Variants in GZMK observed in about 807,000 individuals in gnomAD.
GZMK encodes the protein granzyme K.
A neutral mutation model predicts 22.8 loss-of-function variants in GZMK; 18 were observed. That is an observed-to-expected ratio of 0.79 (90% CI 0.54 to 1.17). The LOEUF is 1.17. Ranked by LOEUF, GZMK falls within the 50% of genes most tolerant of loss-of-function variation. The pLI is 0.00. For synonymous variants in GZMK, 136 were observed against 115.0 expected, an observed-to-expected ratio of 1.18 and a Z score of -1.17; for missense variants, 342 against 320.2, an observed-to-expected ratio of 1.07 and a Z score of -0.52.
intron 4 of GZMK, among the ~76,000 whole-genome samples, chr5:55,032,107 A>C (rs1414501507): frequency 6.6e-6 from 1 of 152,200 alleles, no homozygotes; most frequent in African/African-American, 2.4e-5. Flanking sequence ...CTGCTACCAC[A>C]AAATACCATA....
intron 4 of GZMK, 146 bp from the exon 5 acceptor site, chr5:55,033,619 T>C: frequency 5.1e-6 from 3 of 592,968 alleles, no homozygotes; most frequent in Non-Finnish European, 8.8e-6. Flanking sequence ...CTATAACGAG[T>C]AAGAGGCAGT....
At chr5:55,024,964 C>T (rs1032986988) in intron 2 of GZMK, 157 bp downstream of exon 2, 3 of 500,930 alleles carry the variant, frequency 6.0e-6, no homozygotes, top group Admixed American at 3.6e-5. Flanking sequence ...CACATCCACG[C>T]TTTCTGTCTT....
intron 2 of GZMK, among the ~76,000 whole-genome samples, chr5:55,029,818 G>T (rs904849936): frequency 6.6e-6 from 1 of 152,052 alleles, no homozygotes; most frequent in Admixed American, 6.5e-5. Context: ...AGTCTCCCAA[G>T]TGGCTGGGAT....
At chr5:55,024,473 A>G (rs935040503) in intron 1 of GZMK, 87 bp downstream of exon 1, 6 of 805,494 alleles carry the variant, frequency 7.4e-6, no homozygotes, top group Non-Finnish European at 1.2e-5. Flanking sequence ...TATTTTCACA[A>G]TCATTCCTAT....
Position 55,031,499 on chromosome 5 carries a change from AC to A in GZMK, c.502del (p.Leu168CysfsTer9), listed in dbSNP as rs1741232562. 1 of 1,614,084 alleles carries A rather than the reference AC, an allele frequency of 6.2e-7. No individual in the cohort carries two copies. Among genetic ancestry groups the A allele is most frequent in the Non-Finnish European group, 8.5e-7 (1 of 1,180,030 alleles). ...TDPDSLRPSD[T>X]LREVTVTVLS... ...TCCAGATTCATTAAGACCTTCTGAC[AC>A]CCTGCGAGAAGTCACTGTTACTGTC... On this transcript the variant is annotated frameshift_variant, in exon 4 of 5. Coordinates refer to ENST00000231009, the MANE Select transcript of GZMK (RefSeq NM_002104.3). LOFTEE classifies it high-confidence loss of function.
chr5:55,031,009 G>T (rs1741220555), intron 3 of GZMK, among the ~76,000 whole-genome samples: 1 of 152,196 alleles, frequency 6.6e-6, no homozygotes, highest in Non-Finnish European at 1.5e-5. Flanking sequence ...TCCGAACTTG[G>T]TCTAGACCAT....
At position 55,034,034 on chromosome 5, in the gene GZMK, T is replaced by A. The variant is rs1019992391; in HGVS notation, c.*108T>A. The A allele has an allele frequency of 7.5e-6, 5 of 662,770 alleles. No individual in the cohort carries two copies. The African/African-American group carries it at 9.2e-5, about 12-fold the overall frequency. 41.1% of individuals were successfully genotyped at this position (662,770 alleles called of 1,614,324 possible). A position where few individuals can be genotyped will look rare whatever the true frequency, so the allele number is the denominator to read the frequency against. On this transcript the variant is annotated 3_prime_UTR_variant, in exon 5 of 5. Transcript: ENST00000231009. ...GCACATATGGGGTCCATTTTTGCAC[T>A]TGTAAGTCATTTTATTAAGGAATCA...
intron 2 of GZMK, chr5:55,025,638 G>T (rs1010244614): frequency 1.3e-5 from 2 of 151,872 alleles, no homozygotes; most frequent in East Asian, 1.9e-4. Flanking sequence ...TTTTGGTTTT[G>T]TTTTTTGTTT....
chr5:55,028,501 A>G (rs779721167), intron 2 of GZMK: 1 of 152,250 alleles, frequency 6.6e-6, no homozygotes, highest in Non-Finnish European at 1.5e-5. Flanking sequence ...TGGTCATTCC[A>G]GGCAGTCACA....
chr5:55,030,424 CT>C lies in GZMK; in HGVS notation c.213-3del. 1 of 1,611,480 alleles carries C rather than the reference CT, an allele frequency of 6.2e-7. No homozygotes were observed. Among genetic ancestry groups the C allele is most frequent in the Non-Finnish European group, 8.5e-7 (1 of 1,179,084 alleles). Reference sequence around the variant, plus strand: ...CATTCTGCTGCTTTCATTGTCTTTGCTTTTTTTAGGTTTACCAAAGGCCAGT... The same window carrying C: ...CATTCTGCTGCTTTCATTGTCTTTGCTTTTTTAGGTTTACCAAAGGCCAGT... On this transcript the variant is annotated splice_polypyrimidine_tract_variant and intron_variant, in intron 2 of 4. Coordinates refer to ENST00000231009, the MANE Select transcript of GZMK (RefSeq NM_002104.3).
At chr5:55,028,741 G>A (rs547938402) in intron 2 of GZMK, among the ~76,000 whole-genome samples, 16 of 152,292 alleles carry the variant, frequency 1.1e-4, no homozygotes, top group Non-Finnish European at 2.1e-4. Flanking sequence ...AAAGATCTGA[G>A]GTGGACTTCA....
chr5:55,026,055 G>A (rs937052950), intron 2 of GZMK, among the ~76,000 whole-genome samples: 3 of 152,178 alleles, frequency 2.0e-5, no homozygotes, highest in African/African-American at 2.4e-5. Flanking sequence ...AACTGTCAGC[G>A]AATGTTCATT....
At chr5:55,030,681 C>A in intron 3 of GZMK, 97 bp downstream of exon 3, 3 of 866,514 alleles carry the variant, frequency 3.5e-6, no homozygotes, top group Non-Finnish European at 5.7e-6. Flanking sequence ...TTGCTAGCAC[C>A]CTCCCCATGT....
At chr5:55,028,251 C>T (rs1324621582) in intron 2 of GZMK, 2 of 152,176 alleles carry the variant, frequency 1.3e-5, no homozygotes, top group African/African-American at 2.4e-5. Flanking sequence ...CATTTAGGCA[C>T]GTGCCCACCT....
At chr5:55,026,788 A>T (rs575631688) in intron 2 of GZMK, 2 of 152,084 alleles carry the variant, frequency 1.3e-5, no homozygotes, top group South Asian at 2.1e-4. Context: ...GGAAATTGAT[A>T]AAAAATGTCC....
Position 55,024,651 on chromosome 5 carries a change from C to A in GZMK, c.65-9C>A. On this transcript the variant is annotated splice_polypyrimidine_tract_variant and intron_variant, in intron 1 of 4. Transcript: ENST00000231009. ...CTTTTGTGTGAAACCTTTTGGTCTA[C>A]TTTTGTAGGTTTCAATATGGAAATT... 1 of 1,592,922 alleles carries A rather than the reference C, an allele frequency of 6.3e-7. No individual in the cohort carries two copies. Among genetic ancestry groups the A allele is most frequent in the African/African-American group, 1.3e-5 (1 of 74,458 alleles).
intron 2 of GZMK, chr5:55,027,058 C>T (rs1374492596): frequency 2.6e-5 from 4 of 152,096 alleles, no homozygotes; most frequent in South Asian, 4.1e-4. Context: ...TTAATCCTGC[C>T]CGAATTTGCC....
intron 2 of GZMK, among the ~76,000 whole-genome samples, chr5:55,029,245 A>T (rs1456956499): frequency 2.6e-5 from 4 of 151,994 alleles, no homozygotes; most frequent in Non-Finnish European, 5.9e-5. Context: ...AAAAAAAAAA[A>T]CGTTAAAAAA....
At chr5:55,032,044 A>C (rs1741243460) in intron 4 of GZMK, among the ~76,000 whole-genome samples, 1 of 152,192 alleles carries the variant, frequency 6.6e-6, no homozygotes. Flanking sequence ...AAGCTCAAAT[A>C]TACAGTATGT....
Sources: gnomAD v4.1 joint callset for allele counts (sites outside exome capture counted in the v4.1 genomes callset) on GRCh38, gnomAD v4.1.1 for gene constraint, MANE v1.5 for transcripts, NCBI Gene and HGNC (gene_info 2026-07-23, HGNC 2026-07-21) for gene names.